ACO2: variants seen among roughly 807,000 people sequenced by gnomAD.
ACO2 encodes aconitase 2.
Under a neutral mutation model 84.5 loss-of-function variants are expected in ACO2, and 31 were observed. The observed-to-expected ratio is 0.37, with a 90% CI of 0.28 to 0.50. The LOEUF is 0.50. ACO2 is among the 20% of genes least tolerant of loss of function. The pLI is 0.97. For missense variants in ACO2, 685 were observed against 1,029.3 expected (o/e 0.67, Z 4.58); for synonymous variants, 414 against 412.7 (o/e 1.00, Z -0.04).
intron 1 of ACO2, among the ~76,000 whole-genome samples, chr22:41,490,413 T>C (rs2066263616): frequency 6.6e-6 from 1 of 152,212 alleles, no homozygotes; most frequent in Non-Finnish European, 1.5e-5. Context: ...ATTATGTTCA[T>C]AATGTTGTGC....
At chr22:41,527,679 C>G in intron 16 of ACO2, 1 of 795,720 alleles carries the variant, frequency 1.3e-6, no homozygotes, top group Non-Finnish European at 1.9e-6. Flanking sequence ...TCTTTCTGAT[C>G]ATGAATGTGC....
chr22:41,528,197 G>A, intron 17 of ACO2, 175 bp downstream of exon 17: 3 of 1,056,638 alleles, frequency 2.8e-6, no homozygotes, highest in Non-Finnish European at 4.0e-6. Context: ...GTTGGGGGTT[G>A]GAGTCAACCC....
intron 1 of ACO2, among the ~76,000 whole-genome samples, chr22:41,478,642 C>A (rs1414952425): frequency 6.6e-6 from 1 of 152,040 alleles, no homozygotes; most frequent in African/African-American, 2.4e-5. Flanking sequence ...TTCTGCTTTC[C>A]CCCTGGAGAG....
In ACO2 at chr22:41,523,890, G is replaced by A. The variant is rs200407418; in HGVS notation, c.1431G>A (p.Thr477=). The A allele has an allele frequency of 2.7e-5, 44 of 1,612,584 alleles. No individual in the cohort carries two copies. Among genetic ancestry groups the A allele is most frequent in the Admixed American group, 2.2e-4 (13 of 60,018 alleles). ...TCACCTCCTACAACAGGAACTTCAC[G>A]GGCCGCAACGACGCAAACCCCGAGA... ...TIVTSYNRNF[T]GRNDANPETH... is the part of the protein sequence containing the mutation. The change falls in exon 12 of 18, where the codon ACG becomes ACA. Residue 477 remains threonine, a synonymous_variant. Coordinates refer to ENST00000216254, the MANE Select transcript of ACO2 (RefSeq NM_001098.3).
chr22:41,524,808 A>G lies in ACO2; in HGVS notation c.1483-38A>G, dbSNP rs780898453. On this transcript the variant is annotated intron_variant, in intron 12 of 17. Coordinates refer to ENST00000216254, the MANE Select transcript of ACO2 (RefSeq NM_001098.3). The stretch of plus-strand genomic sequence containing the variant: ...GTAGGTGCAGGAGACAGGAGTGGCA[A>G]TTGGTGCTGACCAACAAACTGGCCA... 7 of 1,613,856 alleles carry G rather than the reference A, an allele frequency of 4.3e-6. No homozygotes were observed. The Admixed American group carries it at 8.3e-5, about 19-fold the overall frequency.
intron 2 of ACO2, among the ~76,000 whole-genome samples, chr22:41,503,779 A>G (rs2066371298): frequency 2.0e-5 from 3 of 152,068 alleles, no homozygotes; most frequent in South Asian, 2.1e-4. Context: ...CCAATGGGTA[A>G]CCAGGAATAC....
chr22:41,516,032 G>A, intron 6 of ACO2, 115 bp downstream of exon 6: 1 of 1,393,692 alleles, frequency 7.2e-7, no homozygotes, highest in South Asian at 1.2e-5. Context: ...GTTCCATTTG[G>A]GGACTTGGGA....
chr22:41,494,343 G>A (rs750999843), intron 1 of ACO2, among the ~76,000 whole-genome samples: 3 of 151,840 alleles, frequency 2.0e-5, no homozygotes, highest in Non-Finnish European at 2.9e-5. Flanking sequence ...TTCCAGGTGC[G>A]TCACACTGTG....
rs2066340613 is a variant in ACO2 at position 41,499,768 on chromosome 22, T to C, written c.79T>C (p.Cys27Arg). 2 of 1,613,786 alleles carry C rather than the reference T, an allele frequency of 1.2e-6. No individual in the cohort carries two copies. The highest frequency in any genetic ancestry group is 2.2e-5 in the East Asian group (1 of 44,900). The part of the protein sequence containing the change: ...VRQYHVASVL[C>R]QRAKVAMSHF... Reference sequence around the variant, plus strand: ...GCAGTACCATGTGGCCTCAGTCCTGTGCCAACGGGCCAAGGTGGCGATGAG... The same window carrying C: ...GCAGTACCATGTGGCCTCAGTCCTGCGCCAACGGGCCAAGGTGGCGATGAG... The change falls in exon 2 of 18, where the codon TGC (cysteine) becomes CGC (arginine). Residue 27 changes from cysteine (C) to arginine (R), a missense_variant. By Grantham distance (180) the Cys-to-Arg change is radical. Transcript: ENST00000216254.
At chr22:41,525,672 TTGC>T in intron 14 of ACO2, 3 of 337,592 alleles carry the variant, frequency 8.9e-6, no homozygotes, top group Admixed American at 4.3e-5. Context: ...GTGTGTGTGA[TTGC>T]ACAGCAGGCT....
Position 41,515,655 on chromosome 22 carries a change from G to A in ACO2, c.685-112G>A, listed in dbSNP as rs139345767. The A allele has an allele frequency of 1.4e-3, 2,291 of 1,590,590 alleles. 22 individuals carry two copies. The Middle Eastern group carries it at 0.021, about 14-fold the overall frequency. ...CAAGTTAGACTCGAATCTTCTGGGAGGGAGGTAGAGACCAATAAGCAGCAA... is the reference window on the plus strand; with the variant it reads ...CAAGTTAGACTCGAATCTTCTGGGAAGGAGGTAGAGACCAATAAGCAGCAA... On this transcript the variant is annotated intron_variant, in intron 5 of 17. Coordinates refer to ENST00000216254, the MANE Select transcript of ACO2 (RefSeq NM_001098.3). This position sits in a 1 kb window ranked among gnomAD's most constrained non-coding sequence, Gnocchi z 5.8.
rs374280546 is a variant in ACO2, at chr22:41,511,872, A to G, written c.433-4A>G. ...AACGCCCAATTATTGATTTGTCTCAATAGGACATCAACCAGGAAGTTTATA... is the reference window on the plus strand; with the variant it reads ...AACGCCCAATTATTGATTTGTCTCAGTAGGACATCAACCAGGAAGTTTATA... On this transcript the variant is annotated splice_polypyrimidine_tract_variant and splice_region_variant and intron_variant, in intron 3 of 17. Transcript: ENST00000216254. The G allele has an allele frequency of 1.2e-6, 2 of 1,604,406 alleles. No homozygotes were observed. Among genetic ancestry groups the G allele is most frequent in the Non-Finnish European group, 1.7e-6 (2 of 1,176,014 alleles).
chr22:41,481,381 G>T (rs899085531), intron 1 of ACO2, among the ~76,000 whole-genome samples: 1 of 152,330 alleles, frequency 6.6e-6, no homozygotes, highest in African/African-American at 2.4e-5. Flanking sequence ...GCCTGTTTGG[G>T]TGGCTCGGCA....
intron 1 of ACO2, among the ~76,000 whole-genome samples, chr22:41,491,910 C>T (rs1180710661): frequency 6.6e-6 from 1 of 152,142 alleles, no homozygotes; most frequent in Non-Finnish European, 1.5e-5. Context: ...TCCGAACTAC[C>T]ACACTGTTCT....
chr22:41,506,741 C>T (rs1020611419), intron 2 of ACO2, among the ~76,000 whole-genome samples: 2 of 152,120 alleles, frequency 1.3e-5, no homozygotes, highest in Admixed American at 6.5e-5. Context: ...TTTTCTTGGC[C>T]TCAAACAATA....
At chr22:41,480,108 C>T (rs542635383) in intron 1 of ACO2, among the ~76,000 whole-genome samples, 21 of 152,178 alleles carry the variant, frequency 1.4e-4, no homozygotes, top group Non-Finnish European at 2.6e-4. Flanking sequence ...AGCCAGGCAT[C>T]GCCTACCAGG....
chr22:41,522,289 C>T (rs1463920703), intron 9 of ACO2, among the ~76,000 whole-genome samples: 5 of 152,148 alleles, frequency 3.3e-5, no homozygotes, highest in Admixed American at 6.5e-5. Context: ...GAGCAAGCCT[C>T]GACTGTGCCC....
At chr22:41,520,507 A>C (rs2066515385) in intron 9 of ACO2, among the ~76,000 whole-genome samples, 1 of 152,056 alleles carries the variant, frequency 6.6e-6, no homozygotes, top group Non-Finnish European at 1.5e-5. Context: ...GGGGTTCAAG[A>C]CCAGCCTGGG....
chr22:41,528,445 AC>A, intron 17 of ACO2, 33 bp from the exon 18 acceptor site: 1 of 1,608,418 alleles, frequency 6.2e-7, no homozygotes, highest in Admixed American at 1.7e-5. Flanking sequence ...CACAGTACCC[AC>A]CACTTCCACC....
Sources: allele counts gnomAD v4.1 joint callset (sites outside exome capture counted in the v4.1 genomes callset), GRCh38; gene constraint gnomAD v4.1.1; non-coding constraint Gnocchi (gnomAD v3.1); transcripts MANE v1.5; gene names NCBI Gene and HGNC (gene_info 2026-07-23, HGNC 2026-07-21).